The following MICAL3 variants were observed in gnomAD, a reference collection of about 807,000 sequenced individuals.
The protein encoded by MICAL3 is microtubule associated monooxygenase, calponin and LIM domain containing 3.
A neutral mutation model predicts 207.4 loss-of-function variants in MICAL3; 62 were observed. The observed-to-expected ratio is 0.30, with a 90% CI of 0.24 to 0.37. The LOEUF is 0.37. MICAL3 is among the 10% of genes least tolerant of loss of function. The pLI, the probability that MICAL3 is intolerant of heterozygous loss-of-function variation, is 1.00. For missense variants in MICAL3, 2,368 were observed against 2,635.6 expected (o/e 0.90, Z 2.22); for synonymous variants, 1,077 against 1,069.3 (o/e 1.01, Z -0.14).
intron 1 of MICAL3, chr22:18,007,193 A>G (rs1923444715): frequency 1.3e-5 from 2 of 152,074 alleles, no homozygotes; most frequent in African/African-American, 2.4e-5. Context: ...GTTCATTGTA[A>G]AAGAATTTTT....
chr22:17,818,220 G>A lies in MICAL3; in HGVS notation c.4441C>T (p.Pro1481Ser). 1.3e-6 allele frequency: 2 copies of A among 1,543,924 alleles called. No homozygotes were observed. The highest frequency in any genetic ancestry group is 1.7e-6 in the Non-Finnish European group (2 of 1,151,272). ...TLRRKLREAE[P>S]NASVVPPPLP... Reference sequence around the variant, plus strand: ...GGCGGCGGGACCACCGAGGCATTGGGCTCGGCCTCCCTGAGCTTCCTCCGC... The same window carrying A: ...GGCGGCGGGACCACCGAGGCATTGGACTCGGCCTCCCTGAGCTTCCTCCGC... Residue 1481 changes from proline to serine, a missense_variant, in exon 26 of 32, where the codon CCC becomes TCC. Around this residue, in one of 4 missense-constraint regions of MICAL3, gnomAD observed 1,770 missense variants for 1,863.2 expected, o/e 0.95. Coordinates refer to ENST00000441493, the MANE Select transcript of MICAL3 (RefSeq NM_015241.3).
chr22:17,810,985 T>C, intron 27 of MICAL3, 172 bp from the exon 28 acceptor site: 1 of 580,406 alleles, frequency 1.7e-6, no homozygotes, highest in Non-Finnish European at 3.1e-6. Flanking sequence ...ACGGGGGTGC[T>C]GATAGGCAGA....
intron 22 of MICAL3, among the ~76,000 whole-genome samples, chr22:17,826,667 C>A (rs971454526): frequency 6.6e-6 from 1 of 152,138 alleles, no homozygotes; most frequent in East Asian, 1.9e-4. Flanking sequence ...GGGGTGCGAG[C>A]CCTGATGTTA....
chr22:17,831,662 C>T (rs1259079291), intron 21 of MICAL3, among the ~76,000 whole-genome samples, 192 bp downstream of exon 21: 2 of 152,214 alleles, frequency 1.3e-5, no homozygotes, highest in East Asian at 3.9e-4. Flanking sequence ...ATTACTTCCA[C>T]TGCCAACCGC....
rs548411387 is a variant in MICAL3 at position 17,818,437 on chromosome 22, G to A, written c.4224C>T (p.Ser1408=). The A allele has an allele frequency of 3.4e-4, 543 of 1,612,762 alleles. 5 individuals are homozygous for A. In the South Asian group the frequency reaches 5.5e-3, roughly 16 times the overall value. ...CCTGGGCGCTGCGTAGCTCTCTGTC[G>A]GACGGGGACCGGGGGGTTGGCAGGG... ...PLSLPTPRSP[S]DRELRSAQEE... is the part of the protein sequence containing the mutation. Residue 1408 remains serine, a synonymous_variant, in exon 26 of 32, where the codon TCC becomes TCT. Transcript: ENST00000441493.
chr22:17,801,579 G>C (rs2061939897), intron 29 of MICAL3, among the ~76,000 whole-genome samples: 1 of 152,124 alleles, frequency 6.6e-6, no homozygotes, highest in Non-Finnish European at 1.5e-5. Context: ...CTTCTCACTC[G>C]AGCAAGGGCG....
intron 19 of MICAL3, among the ~76,000 whole-genome samples, chr22:17,858,090 G>T (rs1218605837): frequency 6.6e-6 from 1 of 152,248 alleles, no homozygotes; most frequent in East Asian, 1.9e-4. Context: ...GTAGAACCCG[G>T]AAGTAATTGA....
intron 19 of MICAL3, among the ~76,000 whole-genome samples, chr22:17,848,319 G>T (rs932782002): frequency 6.6e-6 from 1 of 152,152 alleles, no homozygotes; most frequent in Non-Finnish European, 1.5e-5. Context: ...GTTCAAGTTG[G>T]AAACAGTACA....
Position 17,818,000 on chromosome 22 carries a change from T to C in MICAL3, c.4661A>G (p.Glu1554Gly). Residue 1554 changes from glutamate to glycine, a missense_variant, in exon 26 of 32, where the codon GAG (glutamate) becomes GGG (glycine). Coordinates refer to ENST00000441493, the MANE Select transcript of MICAL3 (RefSeq NM_015241.3). ...GGCCAGGGGCGGGTGGCGAGGCTTC[T>C]CGGGGCGCGGCCAGCAGGACGGGGG... is the stretch of plus-strand genomic sequence containing the variant. Reference protein sequence around the residue: ...FTPPSCWPRPEKPRHPPLAKE... With the variant: ...FTPPSCWPRPGKPRHPPLAKE... 8 of 1,612,262 alleles carry C rather than the reference T, an allele frequency of 5.0e-6. No individual in the cohort carries two copies. Among genetic ancestry groups the C allele is most frequent in the Non-Finnish European group, 6.8e-6 (8 of 1,179,760 alleles).
chr22:17,912,621 C>T (rs949879165), intron 1 of MICAL3, among the ~76,000 whole-genome samples: 4 of 152,118 alleles, frequency 2.6e-5, no homozygotes, highest in Admixed American at 1.3e-4. Flanking sequence ...ATTTCCTTTT[C>T]AGACTGTTCA....
At chr22:17,961,410 G>A (rs1044269713) in intron 1 of MICAL3, among the ~76,000 whole-genome samples, 6 of 152,084 alleles carry the variant, frequency 3.9e-5, no homozygotes, top group Admixed American at 1.3e-4. Flanking sequence ...CGTCAGCCCC[G>A]GGCAACAGAC....
At chr22:17,908,352 G>C (rs1931897761) in intron 1 of MICAL3, among the ~76,000 whole-genome samples, 1 of 151,982 alleles carries the variant, frequency 6.6e-6, no homozygotes, top group South Asian at 2.1e-4. Context: ...TTGTTGCCCA[G>C]GCTGGAATAC....
At chr22:17,926,898 G>C (rs750765187) in intron 1 of MICAL3, among the ~76,000 whole-genome samples, 5 of 152,044 alleles carry the variant, frequency 3.3e-5, no homozygotes, top group Non-Finnish European at 7.4e-5. Flanking sequence ...CCTTCTTCAA[G>C]GTAATTTTGG....
At chr22:17,889,305 A>G (rs1930202389) in intron 12 of MICAL3, 75 bp from the exon 13 acceptor site, 1 of 1,102,486 alleles carries the variant, frequency 9.1e-7, no homozygotes, top group East Asian at 2.4e-5. Flanking sequence ...TCCTGGAGTC[A>G]TCGTCCTTTC....
chr22:17,877,045 TGGAGGTTAG>T (rs1229150205), intron 16 of MICAL3, among the ~76,000 whole-genome samples: 14 of 69,494 alleles, frequency 2.0e-4, no homozygotes, highest in Admixed American at 3.3e-4. Context: ...AGGGAGGTTA[TGGAGGTTAG>T]GGAGGTTATG....
At chr22:17,870,344 CCT>C (rs1004195705) in intron 17 of MICAL3, among the ~76,000 whole-genome samples, 23 of 152,304 alleles carry the variant, frequency 1.5e-4, no homozygotes, top group African/African-American at 5.1e-4. Flanking sequence ...TTCCTCCTCC[CCT>C]GTGCTTCTAC....
At position 17,817,983 on chromosome 22, in the gene MICAL3, G is replaced by A. The variant is rs1921180169; in HGVS notation, c.4678C>T (p.Pro1560Ser). The change falls in exon 26 of 32, where the codon CCC (proline) becomes TCC (serine). Residue 1560 changes from proline to serine, a missense_variant. Physicochemically the swap from Pro to Ser is moderately conservative, Grantham distance 74. Coordinates refer to ENST00000441493, the MANE Select transcript of MICAL3 (RefSeq NM_015241.3). ...AGCCTCCCGTTCTCCTTGGCCAGGG[G>A]CGGGTGGCGAGGCTTCTCGGGGCGC... is the stretch of plus-strand genomic sequence containing the variant. ...WPRPEKPRHP[P>S]LAKENGRLPA... The A allele has an allele frequency of 1.2e-6, 2 of 1,612,332 alleles. No homozygotes were observed. The highest frequency in any genetic ancestry group is 1.7e-5 in the Admixed American group (1 of 59,982).
intron 29 of MICAL3, among the ~76,000 whole-genome samples, chr22:17,792,456 C>T (rs1189835396): frequency 6.6e-6 from 1 of 152,150 alleles, no homozygotes; most frequent in Non-Finnish European, 1.5e-5. Context: ...CTCTGCGTCC[C>T]TTGGCAGGGG....
intron 24 of MICAL3, 145 bp from the exon 25 acceptor site, chr22:17,821,654 T>TTC: frequency 1.4e-6 from 1 of 711,430 alleles, no homozygotes; most frequent in Non-Finnish European, 2.4e-6. Flanking sequence ...AAAGCACAGG[T>TTC]TCTCTCAGAG....
Sources: gnomAD v4.1 joint callset for allele counts (sites outside exome capture counted in the v4.1 genomes callset) on GRCh38, gnomAD v4.1.1 for gene constraint, gnomAD v4.1.1 regional missense constraint, MANE v1.5 for transcripts, NCBI Gene and HGNC (gene_info 2026-07-23, HGNC 2026-07-21) for gene names.